Variants in CADM2 observed in about 807,000 individuals in gnomAD.
CADM2 encodes the protein cell adhesion molecule 2.
In CADM2, 12 loss-of-function variants were observed where a neutral mutation model predicts 49.8. The observed-to-expected ratio is 0.24, with a 90% confidence interval of 0.15 to 0.39. The LOEUF (loss-of-function observed/expected upper bound fraction) is 0.39, where lower values mean the gene tolerates loss of function less well. Ranked by LOEUF, CADM2 falls within the 10% of genes least tolerant of loss-of-function variation. The pLI, the probability that CADM2 is intolerant of heterozygous loss-of-function variation, is 1.00. For missense variants in CADM2, 378 were observed against 492.3 expected, an observed-to-expected ratio of 0.77 and a Z score of 2.20; for synonymous variants, 214 against 175.4, an observed-to-expected ratio of 1.22 and a Z score of -1.74.
At chr3:85,568,906 A>G (rs2062397147) in intron 1 of CADM2, among the ~76,000 whole-genome samples, 1 of 152,092 alleles carries the variant, frequency 6.6e-6, no homozygotes, top group Admixed American at 6.6e-5. Context: ...ATGAAATTTT[A>G]AAGTTTGCAC....
chr3:85,479,805 T>G lies in CADM2; in HGVS notation c.62-246717T>G, dbSNP rs536376977. Among the ~76,000 whole-genome samples the G allele has an allele frequency of 3.3e-5, 5 of 152,032 alleles. No homozygotes were observed. The East Asian group carries it at 9.7e-4, about 29-fold the overall frequency. On this transcript the variant is annotated intron_variant, in intron 1 of 9. Coordinates refer to ENST00000383699, the MANE Select transcript of CADM2 (RefSeq NM_001167675.2). The stretch of plus-strand genomic sequence containing the variant: ...TTAATGGGAACCTTGACTCCTAAAC[T>G]TTGGGAGAAAAGGATATGTCCTGTT...
chr3:85,942,178 A>T (rs75341156), intron 7 of CADM2, among the ~76,000 whole-genome samples: 5,036 of 152,016 alleles, frequency 0.033, 286 homozygotes, highest in African/African-American at 0.12. Flanking sequence ...GAAGAGTTCT[A>T]AAAAATTGCT....
At chr3:85,541,775 T>TTA (rs10576590) in intron 1 of CADM2, among the ~76,000 whole-genome samples, 975 of 88,300 alleles carry the variant, frequency 0.011, 51 homozygotes, top group African/African-American at 0.03. Context: ...ATTTTATATT[T>TTA]TATATATATA....
At chr3:85,032,085 T>C (rs992190035) in intron 1 of CADM2, among the ~76,000 whole-genome samples, 7 of 152,150 alleles carry the variant, frequency 4.6e-5, no homozygotes, top group Non-Finnish European at 8.8e-5. Flanking sequence ...CTGAGTTCCC[T>C]AATGATAAAC....
intron 1 of CADM2, among the ~76,000 whole-genome samples, chr3:85,543,257 ATT>A (rs200975208): frequency 2.4e-5 from 1 of 40,832 alleles, no homozygotes; most frequent in African/African-American, 4.1e-5. Context: ...TTTATTTTTT[ATT>A]TTTATTTTTT....
At chr3:85,985,609 T>A (rs1189713918) in intron 8 of CADM2, among the ~76,000 whole-genome samples, 2 of 152,114 alleles carry the variant, frequency 1.3e-5, no homozygotes. Flanking sequence ...TTAGCCCATA[T>A]AATGCCATTG....
intron 1 of CADM2, among the ~76,000 whole-genome samples, chr3:85,562,425 C>T (rs1352951987): frequency 2.3e-5 from 3 of 130,260 alleles, no homozygotes; most frequent in Non-Finnish European, 4.6e-5. Flanking sequence ...TTGCAGTGAG[C>T]TGAGATAGTG....
At chr3:85,708,979 C>A (rs934820143) in intron 1 of CADM2, among the ~76,000 whole-genome samples, 7 of 150,722 alleles carry the variant, frequency 4.6e-5, no homozygotes, top group African/African-American at 1.5e-4. Flanking sequence ...TTGCCTGATA[C>A]AATGATTAAT....
chr3:85,826,631 G>C (rs970658554), intron 3 of CADM2, among the ~76,000 whole-genome samples: 2 of 152,004 alleles, frequency 1.3e-5, no homozygotes, highest in African/African-American at 2.4e-5. Flanking sequence ...TGAAGGATAA[G>C]GGTTGGAGAA....
intron 4 of CADM2, among the ~76,000 whole-genome samples, chr3:85,884,891 A>AT (rs11309096): frequency 6.9e-4 from 94 of 136,658 alleles, no homozygotes; most frequent in Middle Eastern, 3.8e-3. Flanking sequence ...CGCCTGGCTA[A>AT]TTTTTTTTTT....
intron 1 of CADM2, among the ~76,000 whole-genome samples, chr3:85,630,219 G>C (rs759592783): frequency 1.4e-4 from 21 of 151,894 alleles, no homozygotes; most frequent in Non-Finnish European, 2.9e-4. Flanking sequence ...TCTCTGGTTT[G>C]ATCTTTTTTT....
chr3:84,989,002 A>C (rs528410797), intron 1 of CADM2, among the ~76,000 whole-genome samples: 1 of 152,308 alleles, frequency 6.6e-6, no homozygotes, highest in East Asian at 1.9e-4. Flanking sequence ...AACAAGAGGC[A>C]AAGTAAAGAC....
intron 2 of CADM2, among the ~76,000 whole-genome samples, chr3:85,750,803 A>G (rs1025004428): frequency 2.8e-4 from 43 of 152,136 alleles, no homozygotes; most frequent in African/African-American, 9.9e-4. Flanking sequence ...CCTCCATGCT[A>G]TCAGTGTGCA....
rs78078583 is a variant in CADM2, at chr3:85,447,852, A to G, written c.62-278670A>G. 6.5e-3 allele frequency among the ~76,000 whole-genome samples: 997 copies of G among 152,258 alleles called. 11 individuals carry two copies. The highest frequency in any genetic ancestry group is 0.021 in the African/African-American group (854 of 41,540). ...TGGCCAATGCTAAAATGTAGTAACT[A>G]ATTATGTGTTAGCCAATGTTTTTGA... On this transcript the variant is annotated intron_variant, in intron 1 of 9. Coordinates refer to ENST00000383699, the MANE Select transcript of CADM2 (RefSeq NM_001167675.2).
At chr3:85,202,383 A>T (rs1438702951) in intron 1 of CADM2, among the ~76,000 whole-genome samples, 2 of 152,152 alleles carry the variant, frequency 1.3e-5, no homozygotes, top group Non-Finnish European at 2.9e-5. Context: ...TTGAAAGTGG[A>T]AATTACTCCT....
chr3:85,114,014 T>C (rs2038554264), intron 1 of CADM2, among the ~76,000 whole-genome samples: 1 of 152,014 alleles, frequency 6.6e-6, no homozygotes, highest in Admixed American at 6.6e-5. Context: ...AGATAATACT[T>C]AGTGGTATGT....
At chr3:85,185,611 C>A (rs771188908) in intron 1 of CADM2, among the ~76,000 whole-genome samples, 1 of 152,038 alleles carries the variant, frequency 6.6e-6, no homozygotes, top group Non-Finnish European at 1.5e-5. Flanking sequence ...TTCACACATT[C>A]CTTCCCTGGT....
At chr3:85,321,826 C>T (rs933685893) in intron 1 of CADM2, among the ~76,000 whole-genome samples, 1 of 152,050 alleles carries the variant, frequency 6.6e-6, no homozygotes, top group Non-Finnish European at 1.5e-5. Flanking sequence ...AATTTTAGAC[C>T]TCATTGTATG....
chr3:85,583,793 T>A (rs1346462805), intron 1 of CADM2, among the ~76,000 whole-genome samples: 1 of 152,020 alleles, frequency 6.6e-6, no homozygotes, highest in African/African-American at 2.4e-5. Context: ...CAGCAAGAAA[T>A]ATTAGCATGA....
Sources: allele counts gnomAD v4.1 joint callset (sites outside exome capture counted in the v4.1 genomes callset), GRCh38; gene constraint gnomAD v4.1.1; transcripts MANE v1.5; gene names NCBI Gene and HGNC (gene_info 2026-07-23, HGNC 2026-07-21).